GARIN1A: variants seen among roughly 807,000 people sequenced by gnomAD.
GARIN1A encodes golgi associated RAB2 interactor 1A.
the GARIN1A span, among the ~76,000 whole-genome samples, chr7:128,697,046 C>A: frequency 1.3e-5 from 2 of 152,142 alleles, no homozygotes; most frequent in Non-Finnish European, 2.9e-5. Flanking sequence ...TGGTGCTTAA[C>A]CAAAAGTTGT....
At chr7:128,674,204 GGA>G in the GARIN1A span, among the ~76,000 whole-genome samples, 6 of 152,208 alleles carry the variant, frequency 3.9e-5, no homozygotes, top group African/African-American at 1.4e-4. Flanking sequence ...TTCTCTGAAT[GGA>G]CACTAAGTGA....
At chr7:128,701,720 A>G in the GARIN1A span, among the ~76,000 whole-genome samples, 4 of 152,078 alleles carry the variant, frequency 2.6e-5, no homozygotes, top group Non-Finnish European at 4.4e-5. Context: ...GGGGTTGTTC[A>G]CTGAAACTAG....
the GARIN1A span, among the ~76,000 whole-genome samples, chr7:128,680,608 A>C: frequency 1.4e-5 from 2 of 139,292 alleles, no homozygotes; most frequent in East Asian, 4.2e-4. Context: ...CTTGTTGCCC[A>C]GGCTGGAGTG....
chr7:128,705,907 G>A, the GARIN1A span, among the ~76,000 whole-genome samples: 4 of 151,798 alleles, frequency 2.6e-5, no homozygotes, highest in Non-Finnish European at 4.4e-5. Flanking sequence ...CACCCACTTC[G>A]GTCTCCCAAA....
At chr7:128,690,657 T>C in the GARIN1A span, 1 of 152,198 alleles carries the variant, frequency 6.6e-6, no homozygotes, top group African/African-American at 2.4e-5. Context: ...TTTTTCCACA[T>C]GTTCTATGCA....
the GARIN1A span, among the ~76,000 whole-genome samples, chr7:128,679,095 ATATATATATATT>A: frequency 6.6e-6 from 1 of 151,148 alleles, no homozygotes; most frequent in African/African-American, 2.4e-5. Flanking sequence ...TTGTTTTTAT[ATATATATATATT>A]AATGCCATAT....
chr7:128,674,076 G>A, the GARIN1A span, among the ~76,000 whole-genome samples: 12 of 152,022 alleles, frequency 7.9e-5, no homozygotes, highest in Admixed American at 3.9e-4. Flanking sequence ...TTGTGTTTTA[G>A]TAGAGATGGG....
chr7:128,677,834 G>A, the GARIN1A span: 1,189 of 1,602,404 alleles, frequency 7.4e-4, 3 homozygotes, highest in South Asian at 2.0e-3. Context: ...CTCCTTCCGG[G>A]ACCTGTCGAG....
At chr7:128,679,882 C>G in the GARIN1A span, 28 of 498,644 alleles carry the variant, frequency 5.6e-5, no homozygotes, top group East Asian at 9.4e-4. Context: ...TTGGATGATT[C>G]TCGGGACTTA....
the GARIN1A span, among the ~76,000 whole-genome samples, chr7:128,696,747 A>T: frequency 6.6e-6 from 1 of 152,200 alleles, no homozygotes; most frequent in Non-Finnish European, 1.5e-5. Context: ...TTCTTAAATG[A>T]TGGGGTGTTT....
the GARIN1A span, among the ~76,000 whole-genome samples, chr7:128,681,888 C>A: frequency 6.7e-6 from 1 of 149,726 alleles, no homozygotes; most frequent in Admixed American, 6.7e-5. Context: ...TGCACCCCCC[C>A]CCACAACCCC....
the GARIN1A span, chr7:128,672,409 C>A: frequency 6.2e-7 from 1 of 1,607,028 alleles, no homozygotes; most frequent in Admixed American, 1.7e-5. Context: ...TGAGTAAAAT[C>A]AGGGGCCTCC....
chr7:128,695,023 C>T, the GARIN1A span, among the ~76,000 whole-genome samples: 4 of 152,194 alleles, frequency 2.6e-5, no homozygotes, highest in East Asian at 7.7e-4. The surrounding 1 kb of genome is among the most constrained non-coding windows in gnomAD (Gnocchi z 4.5). Context: ...ACCAGTCTCA[C>T]GTTTAGCTGC....
the GARIN1A span, chr7:128,672,389 C>G: frequency 6.2e-7 from 1 of 1,602,646 alleles, no homozygotes; most frequent in Non-Finnish European, 8.5e-7. Context: ...CCATTCTTAC[C>G]AAGAACCAAT....
the GARIN1A span, among the ~76,000 whole-genome samples, chr7:128,678,825 G>T: frequency 6.6e-6 from 1 of 150,854 alleles, no homozygotes. Context: ...AGATTAGTAT[G>T]TTACTGTGTA....
the GARIN1A span, among the ~76,000 whole-genome samples, chr7:128,708,138 A>G: frequency 1.3e-5 from 2 of 150,392 alleles, no homozygotes; most frequent in Non-Finnish European, 2.9e-5. Context: ...TCAGCCTCTC[A>G]GGTAGCTGGG....
At chr7:128,682,985 A>G in the GARIN1A span, 1 of 1,606,406 alleles carries the variant, frequency 6.2e-7, no homozygotes, top group Non-Finnish European at 8.5e-7. Flanking sequence ...CTGCCATTGA[A>G]ATAGACAACT....
the GARIN1A span, among the ~76,000 whole-genome samples, chr7:128,682,406 G>C: frequency 6.6e-6 from 1 of 152,146 alleles, no homozygotes; most frequent in Non-Finnish European, 1.5e-5. Flanking sequence ...TTCCTCCACA[G>C]GGCAGGCCTT....
At chr7:128,699,945 CA>C in the GARIN1A span, among the ~76,000 whole-genome samples, 1 of 152,004 alleles carries the variant, frequency 6.6e-6, no homozygotes, top group African/African-American at 2.4e-5. Flanking sequence ...TTTATCATTC[CA>C]CAGTGGTCCT....
Sources: allele counts gnomAD v4.1 joint callset (sites outside exome capture counted in the v4.1 genomes callset), GRCh38; gene constraint gnomAD v4.1.1; non-coding constraint Gnocchi (gnomAD v3.1); transcripts MANE v1.5; gene names NCBI Gene and HGNC (gene_info 2026-07-23, HGNC 2026-07-21).